COMMD10: variants seen among roughly 807,000 people sequenced by gnomAD.
The protein encoded by COMMD10 is COMM domain-containing protein 10.
COMMD10 carries 33 observed loss-of-function variants against 28.9 expected under a neutral mutation model. The ratio of observed to expected loss-of-function variants is 1.14; its 90% CI spans 0.87 to 1.53. The LOEUF (loss-of-function observed/expected upper bound fraction) is 1.53, where lower values mean the gene tolerates loss of function less well. Among genes scored for constraint, COMMD10 ranks in the 40% most tolerant of loss-of-function variants. COMMD10 has a pLI of 0.00. For synonymous variants in COMMD10, 110 were observed against 81.7 expected, an observed-to-expected ratio of 1.35 and a Z score of -1.87; for missense variants, 310 against 233.4, an observed-to-expected ratio of 1.33 and a Z score of -2.14.
intron 4 of COMMD10, among the ~76,000 whole-genome samples, chr5:116,099,539 G>T (rs1415841165): frequency 6.6e-6 from 1 of 152,096 alleles, no homozygotes; most frequent in Non-Finnish European, 1.5e-5. Context: ...CATAAAGGCT[G>T]TACCAATTTA....
chr5:116,085,731 A>G (rs1416803824), intron 1 of COMMD10: 2 of 152,194 alleles, frequency 1.3e-5, no homozygotes, highest in African/African-American at 4.8e-5. Context: ...GTAAAAAAAG[A>G]CTCAATTTGT....
At chr5:116,167,972 A>C (rs1029789885) in intron 5 of COMMD10, among the ~76,000 whole-genome samples, 2 of 152,152 alleles carry the variant, frequency 1.3e-5, no homozygotes, top group Non-Finnish European at 1.5e-5. Context: ...GATCAAATTC[A>C]CATGAAACAA....
intron 2 of COMMD10, among the ~76,000 whole-genome samples, chr5:116,088,916 C>T (rs1213457951): frequency 6.6e-6 from 1 of 152,190 alleles, no homozygotes; most frequent in Non-Finnish European, 1.5e-5. Context: ...TTATGTCTTA[C>T]TCATCTTTAT....
chr5:116,247,582 C>G (rs747085531), intron 5 of COMMD10, among the ~76,000 whole-genome samples: 1 of 151,404 alleles, frequency 6.6e-6, no homozygotes, highest in Non-Finnish European at 1.5e-5. Context: ...ACGCCTGTCA[C>G]TGGATAAAGA....
At chr5:116,172,428 A>G (rs1475266730) in intron 5 of COMMD10, among the ~76,000 whole-genome samples, 1 of 152,138 alleles carries the variant, frequency 6.6e-6, no homozygotes, top group Non-Finnish European at 1.5e-5. Flanking sequence ...TTGTCTCTAA[A>G]TGTGCTACCC....
At chr5:116,163,794 G>T (rs1753001742) in intron 5 of COMMD10, among the ~76,000 whole-genome samples, 1 of 152,078 alleles carries the variant, frequency 6.6e-6, no homozygotes, top group South Asian at 2.1e-4. Context: ...ATGCTTTTGA[G>T]TAAAGATGAA....
At chr5:116,271,914 C>T (rs1289910867) in intron 5 of COMMD10, among the ~76,000 whole-genome samples, 1 of 151,778 alleles carries the variant, frequency 6.6e-6, no homozygotes, top group Non-Finnish European at 1.5e-5. Flanking sequence ...ACCAACCTCT[C>T]AGTTTTATAT....
At chr5:116,121,112 C>T (rs1751416560) in intron 4 of COMMD10, among the ~76,000 whole-genome samples, 1 of 152,078 alleles carries the variant, frequency 6.6e-6, no homozygotes, top group African/African-American at 2.4e-5. Context: ...AGATATTTCT[C>T]CTAATGCTCT....
chr5:116,226,175 C>A (rs1170405813), intron 5 of COMMD10, among the ~76,000 whole-genome samples: 2 of 152,078 alleles, frequency 1.3e-5, no homozygotes, highest in Non-Finnish European at 2.9e-5. Context: ...TTTGAAGTAT[C>A]TTCAAGTAGT....
intron 4 of COMMD10, among the ~76,000 whole-genome samples, chr5:116,122,285 T>A (rs1408295233): frequency 6.6e-6 from 1 of 152,190 alleles, no homozygotes; most frequent in Non-Finnish European, 1.5e-5. Context: ...AAAGATCAGA[T>A]GGTTGTAGAT....
chr5:116,098,320 C>CT (rs1313629515), intron 4 of COMMD10, among the ~76,000 whole-genome samples: 1 of 152,146 alleles, frequency 6.6e-6, no homozygotes, highest in Non-Finnish European at 1.5e-5. Context: ...CATGCAATGA[C>CT]TTTAACTGTT....
chr5:116,133,208 A>T (rs537434514), intron 4 of COMMD10, among the ~76,000 whole-genome samples: 71 of 152,318 alleles, frequency 4.7e-4, no homozygotes, highest in African/African-American at 1.7e-3. Context: ...CTAAATATTG[A>T]TACTTGAGAT....
rs182979932 is a variant in COMMD10, at chr5:116,164,253, G to A, written c.510+30075G>A. ...GGAGAACTGCTTGAACCCAGGAGGA[G>A]GAGTTTGCAGTGAGCCGAGATTGGG... On this transcript the variant is annotated intron_variant, in intron 5 of 6. Coordinates refer to ENST00000274458, the MANE Select transcript of COMMD10 (RefSeq NM_016144.4). Among the ~76,000 whole-genome samples the A allele has an allele frequency of 3.1e-4, 47 of 152,168 alleles. No individual in the cohort carries two copies. In the East Asian group the frequency reaches 7.9e-3, roughly 26 times the overall value.
chr5:116,218,242 CT>C, intron 5 of COMMD10: 1 of 750,604 alleles, frequency 1.3e-6, no homozygotes. Flanking sequence ...GTGGTTCGTC[CT>C]TTACCTTGGC....
chr5:116,176,784 A>G (rs917616072), intron 5 of COMMD10, among the ~76,000 whole-genome samples: 10 of 152,134 alleles, frequency 6.6e-5, no homozygotes, highest in Non-Finnish European at 1.3e-4. Context: ...TCTAATAAGG[A>G]GACAGAAACC....
At chr5:116,254,641 G>T (rs1286561072) in intron 5 of COMMD10, among the ~76,000 whole-genome samples, 1 of 151,784 alleles carries the variant, frequency 6.6e-6, no homozygotes, top group Non-Finnish European at 1.5e-5. Context: ...GTTCTAGTTT[G>T]ATTGCACTGT....
At chr5:116,164,862 C>T (rs754396778) in intron 5 of COMMD10, among the ~76,000 whole-genome samples, 9 of 151,948 alleles carry the variant, frequency 5.9e-5, no homozygotes, top group Non-Finnish European at 1.2e-4. Flanking sequence ...TATAATGTGC[C>T]CTTGGCAAGG....
At chr5:116,249,444 T>G (rs952537051) in intron 5 of COMMD10, among the ~76,000 whole-genome samples, 3 of 151,932 alleles carry the variant, frequency 2.0e-5, no homozygotes, top group Non-Finnish European at 2.9e-5. Context: ...GATTTTGAAG[T>G]TACTTTGATA....
intron 5 of COMMD10, among the ~76,000 whole-genome samples, chr5:116,203,842 C>A (rs1265878651): frequency 8.6e-5 from 13 of 151,544 alleles, no homozygotes; most frequent in African/African-American, 1.2e-4. Flanking sequence ...CTAAGGAGCA[C>A]AATAACCAGC....
Sources: allele counts gnomAD v4.1 joint callset (sites outside exome capture counted in the v4.1 genomes callset), GRCh38; gene constraint gnomAD v4.1.1; transcripts MANE v1.5; gene names NCBI Gene and HGNC (gene_info 2026-07-23, HGNC 2026-07-21).